The following BEND4 variants were observed in gnomAD, a reference collection of about 807,000 sequenced individuals.
BEND4 encodes BEN domain containing 4, also known as BEN domain-containing protein 4.
BEND4 carries 27 observed loss-of-function variants against 54.7 expected under a neutral mutation model. That is an observed-to-expected ratio of 0.49 (90% CI 0.36 to 0.68). The LOEUF is 0.68. BEND4 is among the 30% of genes least tolerant of loss of function. The probability of loss-of-function intolerance (pLI) is 0.00; values close to 1 mark genes in which losing one functional copy is unlikely to be tolerated. For missense variants in BEND4, 702 were observed against 697.2 expected (o/e 1.01, Z -0.08); for synonymous variants, 327 against 299.5 (o/e 1.09, Z -0.95).
Position 42,117,516 on chromosome 4 carries a change from C to T in BEND4, c.*2G>A, listed in dbSNP as rs1237188588. ...GCTGCTACAACAGGAAGATTCTGTC[C>T]ACTAATCCCCAGATCCATCCTGGGA... On this transcript the variant is annotated 3_prime_UTR_variant, in exon 6 of 6. Transcript: ENST00000502486. 16 of 1,599,604 alleles carry T rather than the reference C, an allele frequency of 1.0e-5. No homozygotes were observed. The highest frequency in any genetic ancestry group is 5.4e-5 in the African/African-American group (4 of 74,652).
At chr4:42,124,813 C>G (rs1206777774) in intron 4 of BEND4, among the ~76,000 whole-genome samples, 2 of 152,164 alleles carry the variant, frequency 1.3e-5, no homozygotes, top group Non-Finnish European at 2.9e-5. Context: ...GACCCGGGCC[C>G]AACTTTCAAG....
At chr4:42,131,408 G>C (rs1340504000) in intron 3 of BEND4, among the ~76,000 whole-genome samples, 1 of 152,134 alleles carries the variant, frequency 6.6e-6, no homozygotes, top group Non-Finnish European at 1.5e-5. Flanking sequence ...TGTGGGATTA[G>C]GGTAGTTAAG....
intron 3 of BEND4, among the ~76,000 whole-genome samples, chr4:42,138,179 A>C (rs946374965): frequency 2.0e-5 from 3 of 152,202 alleles, no homozygotes; most frequent in Non-Finnish European, 4.4e-5. Context: ...ACATGGAAAC[A>C]ACCTTGTCTG....
At chr4:42,124,893 G>T (rs1720213419) in intron 4 of BEND4, among the ~76,000 whole-genome samples, 1 of 152,106 alleles carries the variant, frequency 6.6e-6, no homozygotes, top group Non-Finnish European at 1.5e-5. Context: ...GAAGGAGATG[G>T]AAGTAGAAAG....
intron 4 of BEND4, among the ~76,000 whole-genome samples, chr4:42,124,537 CGGA>C (rs1720198856): frequency 6.6e-6 from 1 of 151,858 alleles, no homozygotes; most frequent in African/African-American, 2.4e-5. Context: ...AGAGAGAGCA[CGGA>C]GGAGGAGAGG....
chr4:42,150,651 C>T (rs1401130330), intron 2 of BEND4, among the ~76,000 whole-genome samples: 1 of 152,264 alleles, frequency 6.6e-6, no homozygotes, highest in African/African-American at 2.4e-5. Flanking sequence ...GCTGCACCCA[C>T]TGGGAGCTGG....
rs1560573889 is a variant in BEND4 at position 42,117,478 on chromosome 4, CT to C, written c.*39del. ...GAACAGGACATTCACAATTGGAACT[CT>C]TGAGAGGACCAGCTGCTACAACAGG... On this transcript the variant is annotated 3_prime_UTR_variant, in exon 6 of 6. Coordinates refer to ENST00000502486, the MANE Select transcript of BEND4 (RefSeq NM_207406.4). The C allele has an allele frequency of 2.8e-6, 4 of 1,454,360 alleles. No homozygotes were observed. The highest frequency in any genetic ancestry group is 3.8e-6 in the Non-Finnish European group (4 of 1,053,052). 90.1% of individuals were successfully genotyped at this position (1,454,360 alleles called of 1,614,324 possible). A position where few individuals can be genotyped will look rare whatever the true frequency, so the allele number is the denominator to read the frequency against.
intron 2 of BEND4, among the ~76,000 whole-genome samples, chr4:42,148,497 T>C (rs1282893478): frequency 6.6e-6 from 1 of 152,236 alleles, no homozygotes; most frequent in Non-Finnish European, 1.5e-5. Flanking sequence ...AAAGCAATCA[T>C]GCCTGCCAAG....
At position 42,120,090 on chromosome 4, in the gene BEND4, G is replaced by T. The variant is rs201512414; in HGVS notation, c.1351C>A (p.Arg451Ser). ...GTTACTTTAACTGGATCCAGAGGGCGTCTTTCGGGACCTGTCTCTCCTGAC... is the reference window on the plus strand; with the variant it reads ...GTTACTTTAACTGGATCCAGAGGGCTTCTTTCGGGACCTGTCTCTCCTGAC... ...VQSGETGPERRPLDPVKVTCL... is the reference protein window; with the variant it reads ...VQSGETGPERSPLDPVKVTCL... Residue 451 changes from arginine (R) to serine (S), a missense_variant, in exon 5 of 6, where the codon CGC becomes AGC. Coordinates refer to ENST00000502486, the MANE Select transcript of BEND4 (RefSeq NM_207406.4). The T allele has an allele frequency of 2.5e-6, 4 of 1,613,982 alleles. No individual in the cohort carries two copies. The highest frequency in any genetic ancestry group is 3.4e-6 in the Non-Finnish European group (4 of 1,179,874).
chr4:42,133,943 G>A (rs1168347271), intron 3 of BEND4, among the ~76,000 whole-genome samples: 2 of 152,186 alleles, frequency 1.3e-5, no homozygotes, highest in African/African-American at 4.8e-5. Context: ...TAAAGCAATG[G>A]GCATCCAATA....
intron 3 of BEND4, 67 bp from the exon 4 acceptor site, chr4:42,125,741 TA>T (rs1232678969): frequency 8.7e-7 from 1 of 1,149,866 alleles, no homozygotes; most frequent in Non-Finnish European, 1.2e-6. Flanking sequence ...ATAAATTTTT[TA>T]AAGTTTTTTT....
At chr4:42,146,443 T>C (rs751248033) in intron 2 of BEND4, among the ~76,000 whole-genome samples, 1 of 152,266 alleles carries the variant, frequency 6.6e-6, no homozygotes, top group Non-Finnish European at 1.5e-5. Flanking sequence ...TTATCTGATA[T>C]ATGCTCTGTG....
chr4:42,125,683 A>G lies in BEND4; in HGVS notation c.1055-9T>C. On this transcript the variant is annotated splice_polypyrimidine_tract_variant and intron_variant, in intron 3 of 5. Coordinates refer to ENST00000502486, the MANE Select transcript of BEND4 (RefSeq NM_207406.4). The stretch of plus-strand genomic sequence containing the variant: ...AACGGTCTGGCAGGGCACTGGGTGG[A>G]AGAAATGGCAACAATTACACATTGG... The G allele has an allele frequency of 6.4e-7, 1 of 1,563,412 alleles. No homozygotes were observed. The highest frequency in any genetic ancestry group is 1.7e-4 in the Middle Eastern group (1 of 5,868).
At chr4:42,132,637 A>C (rs1464307085) in intron 3 of BEND4, among the ~76,000 whole-genome samples, 4 of 151,772 alleles carry the variant, frequency 2.6e-5, no homozygotes, top group Non-Finnish European at 5.9e-5. Flanking sequence ...GTAGAGAGGG[A>C]GTTTTACCAT....
chr4:42,138,827 A>G (rs141862916), intron 3 of BEND4, among the ~76,000 whole-genome samples: 185 of 152,288 alleles, frequency 1.2e-3, no homozygotes, highest in Middle Eastern at 6.8e-3. Flanking sequence ...AAATTACTAT[A>G]TTTTATGATT....
chr4:42,151,948 C>G lies in BEND4; in HGVS notation c.196G>C (p.Ala66Pro). The change falls in exon 2 of 6, where the codon GCC becomes CCC. Residue 66 changes from alanine to proline, a missense_variant. Transcript: ENST00000502486. ...PPPPPPFAPH[A>P]AVSISSSEPP... ...TCGCTGCTGCTGATGGAGACGGCGG[C>G]GTGCGGCGCGAAGGGCGGCGGGGGC... 8.0e-7 allele frequency: 1 copy of G among 1,246,086 alleles called. No individual in the cohort carries two copies. The highest frequency in any genetic ancestry group is 4.0e-5 in the South Asian group (1 of 24,930). The allele number at this position is 1,246,086 out of a possible 1,614,324, so 77.2% of individuals were successfully genotyped here. A position where few individuals can be genotyped will look rare whatever the true frequency, so the allele number is the denominator to read the frequency against.
chr4:42,113,680 T>TA lies in BEND4; in HGVS notation c.*3837dup, dbSNP rs1055980722. Reference sequence around the variant, plus strand: ...TGGGACATGGAGTAGTTGGATCAAGTAAAAAAATGGTTAATAATTTATCTC... The same window carrying TA: ...TGGGACATGGAGTAGTTGGATCAAGTAAAAAAAATGGTTAATAATTTATCTC... On this transcript the variant is annotated 3_prime_UTR_variant, in exon 6 of 6. Coordinates refer to ENST00000502486, the MANE Select transcript of BEND4 (RefSeq NM_207406.4). The TA allele has an allele frequency of 3.3e-5, 5 of 152,106 alleles. No homozygotes were observed. Among genetic ancestry groups the TA allele is most frequent in the Admixed American group, 6.5e-5 (1 of 15,274 alleles). 9.4% of individuals were successfully genotyped at this position (152,106 alleles called of 1,614,324 possible).
In BEND4 at chr4:42,113,178, C is replaced by T. The variant is rs1451659011; in HGVS notation, c.*4340G>A. On this transcript the variant is annotated 3_prime_UTR_variant, in exon 6 of 6. Coordinates refer to ENST00000502486, the MANE Select transcript of BEND4 (RefSeq NM_207406.4). ...ATATGTGCAAAATCATTTTCTATTA[C>T]ATTTCTAAAAATCTGTATATATGAG... The T allele has an allele frequency of 1.3e-5, 2 of 152,216 alleles. No homozygotes were observed. The highest frequency in any genetic ancestry group is 2.9e-5 in the Non-Finnish European group (2 of 68,036). 9.4% of individuals were successfully genotyped at this position (152,216 alleles called of 1,614,324 possible). A position where few individuals can be genotyped will look rare whatever the true frequency, so the allele number is the denominator to read the frequency against.
At chr4:42,125,826 A>C (rs916017896) in intron 3 of BEND4, among the ~76,000 whole-genome samples, 152 bp from the exon 4 acceptor site, 2 of 151,942 alleles carry the variant, frequency 1.3e-5, no homozygotes, top group Non-Finnish European at 2.9e-5. Flanking sequence ...GCAACCTTGA[A>C]CTCCCAGGCT....
Sources: gnomAD v4.1 joint callset for allele counts (sites outside exome capture counted in the v4.1 genomes callset) on GRCh38, gnomAD v4.1.1 for gene constraint, MANE v1.5 for transcripts, NCBI Gene and HGNC (gene_info 2026-07-23, HGNC 2026-07-21) for gene names.